CDH18: variants seen among roughly 807,000 people sequenced by gnomAD.
The protein encoded by CDH18 is cadherin 18.
Under a neutral mutation model 67.9 loss-of-function variants are expected in CDH18, and 31 were observed. The observed-to-expected ratio is 0.46, with a 90% CI of 0.34 to 0.62. The LOEUF (loss-of-function observed/expected upper bound fraction) is 0.62, where lower values mean the gene tolerates loss of function less well. CDH18 is among the 20% of genes least tolerant of loss of function. CDH18 has a pLI of 0.01. For synonymous variants in CDH18, 362 were observed against 347.2 expected (o/e 1.04, Z -0.48); for missense variants, 890 against 975.5 (o/e 0.91, Z 1.17).
intron 1 of CDH18, among the ~76,000 whole-genome samples, chr5:20,378,082 T>A (rs1743609221): frequency 6.6e-6 from 1 of 152,184 alleles, no homozygotes; most frequent in Non-Finnish European, 1.5e-5. Flanking sequence ...GAGAGAAAAT[T>A]GTTTTGCCTA....
intron 2 of CDH18, among the ~76,000 whole-genome samples, chr5:20,216,776 C>A (rs1487205861): frequency 6.6e-6 from 1 of 151,880 alleles, no homozygotes; most frequent in African/African-American, 2.4e-5. Context: ...CAAAAGAAAA[C>A]TGTAGAACAA....
intron 1 of CDH18, among the ~76,000 whole-genome samples, chr5:20,478,328 C>T (rs1159457568): frequency 6.6e-6 from 1 of 152,094 alleles, no homozygotes; most frequent in Non-Finnish European, 1.5e-5. Context: ...GCCTTGGTTC[C>T]AGGATGACAT....
chr5:19,736,272 G>A (rs190703078), intron 4 of CDH18, among the ~76,000 whole-genome samples: 1 of 152,176 alleles, frequency 6.6e-6, no homozygotes, highest in African/African-American at 2.4e-5. Context: ...ACGCCTTTAG[G>A]TGGGAGGCTG....
chr5:20,100,206 G>A (rs947708619), intron 2 of CDH18, among the ~76,000 whole-genome samples: 1 of 152,078 alleles, frequency 6.6e-6, no homozygotes, highest in African/African-American at 2.4e-5. Flanking sequence ...TGTGAAAAAG[G>A]GAAAATACTT....
intron 2 of CDH18, among the ~76,000 whole-genome samples, chr5:20,048,080 A>T (rs1313312815): frequency 6.6e-6 from 1 of 151,740 alleles, no homozygotes; most frequent in East Asian, 1.9e-4. Context: ...TTTTTCAGTC[A>T]TTGTTGATAA....
intron 2 of CDH18, among the ~76,000 whole-genome samples, chr5:20,008,192 T>C (rs1300632443): frequency 6.6e-6 from 1 of 152,040 alleles, no homozygotes. Context: ...ACAGTTTGCT[T>C]TGGGAATTAT....
chr5:19,712,529 A>G (rs1764829593), intron 5 of CDH18, among the ~76,000 whole-genome samples: 1 of 151,824 alleles, frequency 6.6e-6, no homozygotes, highest in Non-Finnish European at 1.5e-5. Flanking sequence ...CAACCACTGA[A>G]GTGTAAATTT....
At chr5:19,729,758 G>A (rs986209372) in intron 4 of CDH18, among the ~76,000 whole-genome samples, 1 of 152,170 alleles carries the variant, frequency 6.6e-6, no homozygotes, top group Non-Finnish European at 1.5e-5. Flanking sequence ...AATGGCTCTA[G>A]TGAAAATTGA....
chr5:20,046,568 G>GA (rs1046951851), intron 2 of CDH18, among the ~76,000 whole-genome samples: 8 of 149,886 alleles, frequency 5.3e-5, no homozygotes, highest in African/African-American at 2.0e-4. Context: ...GGCCAAGCAA[G>GA]AAAAAAGCAG....
intron 2 of CDH18, among the ~76,000 whole-genome samples, chr5:19,901,634 G>A (rs12189035): frequency 0.3 from 44,878 of 151,692 alleles, 7,753 homozygotes; most frequent in South Asian, 0.4. Flanking sequence ...GTTCACATAG[G>A]CATTAAAATA....
chr5:20,390,934 T>C (rs560113460), intron 1 of CDH18, among the ~76,000 whole-genome samples: 6 of 151,318 alleles, frequency 4.0e-5, no homozygotes, highest in Non-Finnish European at 8.8e-5. Flanking sequence ...AATTGAACAA[T>C]GAGAACACAT....
At chr5:19,834,927 T>G (rs1260606817) in intron 3 of CDH18, among the ~76,000 whole-genome samples, 1 of 152,148 alleles carries the variant, frequency 6.6e-6, no homozygotes, top group Non-Finnish European at 1.5e-5. Flanking sequence ...TCGATGGGAA[T>G]GTAAATTGGT....
intron 1 of CDH18, among the ~76,000 whole-genome samples, chr5:20,531,991 A>T (rs951171917): frequency 2.6e-5 from 4 of 152,132 alleles, no homozygotes; most frequent in Admixed American, 6.6e-5. Context: ...GCTCAAATGT[A>T]TGTATTTATA....
chr5:20,047,420 G>T (rs551647462), intron 2 of CDH18, among the ~76,000 whole-genome samples: 1 of 151,856 alleles, frequency 6.6e-6, no homozygotes, highest in South Asian at 2.1e-4. Flanking sequence ...TTAAATGAAA[G>T]AGCAGAAAAC....
At chr5:20,295,604 G>C (rs1338376692) in intron 1 of CDH18, among the ~76,000 whole-genome samples, 1 of 151,648 alleles carries the variant, frequency 6.6e-6, no homozygotes, top group African/African-American at 2.4e-5. Context: ...GCGTGCACCT[G>C]TAGTCCCGGC....
intron 1 of CDH18, among the ~76,000 whole-genome samples, chr5:20,383,862 GATA>G: frequency 6.6e-6 from 1 of 151,872 alleles, no homozygotes; most frequent in East Asian, 1.9e-4. Flanking sequence ...CTAGAGAAAG[GATA>G]ATATCATTAT....
chr5:20,195,054 G>A (rs1385977089), intron 2 of CDH18, among the ~76,000 whole-genome samples: 1 of 151,994 alleles, frequency 6.6e-6, no homozygotes, highest in Non-Finnish European at 1.5e-5. Flanking sequence ...ATATCCAACA[G>A]TATAACTGCA....
chr5:20,569,018 C>G (rs1157975236), intron 1 of CDH18, among the ~76,000 whole-genome samples: 1 of 152,204 alleles, frequency 6.6e-6, no homozygotes, highest in African/African-American at 2.4e-5. Context: ...CCATATTCAT[C>G]TCTAACACTT....
chr5:20,271,924 CAGAGAGAGAGAGAG>C (rs201955881), intron 1 of CDH18, among the ~76,000 whole-genome samples: 6 of 146,560 alleles, frequency 4.1e-5, no homozygotes, highest in Non-Finnish European at 9.0e-5. Context: ...TGTAGAGAGG[CAGAGAGAGAGAGAG>C]AGAGAGAGAG....
Sources: allele counts gnomAD v4.1 joint callset (sites outside exome capture counted in the v4.1 genomes callset), GRCh38; gene constraint gnomAD v4.1.1; transcripts MANE v1.5; gene names NCBI Gene and HGNC (gene_info 2026-07-23, HGNC 2026-07-21).